Variants in CTNNA2 observed in about 807,000 individuals in gnomAD.
CTNNA2 encodes catenin alpha 2.
A neutral mutation model predicts 101.0 loss-of-function variants in CTNNA2; 42 were observed. That is an observed-to-expected ratio of 0.42 (90% CI 0.32 to 0.54). The LOEUF is 0.54. CTNNA2 is among the 20% of genes least tolerant of loss of function. The probability of loss-of-function intolerance (pLI) is 0.14; values close to 1 mark genes in which losing one functional copy is unlikely to be tolerated. For missense variants in CTNNA2, 871 were observed against 1,223.1 expected (o/e 0.71, Z 4.29); for synonymous variants, 450 against 456.4 (o/e 0.99, Z 0.18).
intron 18 of CTNNA2, among the ~76,000 whole-genome samples, chr2:80,633,952 T>C (rs1426223671): frequency 1.3e-5 from 2 of 152,184 alleles, no homozygotes; most frequent in Non-Finnish European, 2.9e-5. Context: ...ACTTTCTCTT[T>C]TATTTCTCCA....
At chr2:80,061,077 A>G (rs1490263453) in intron 7 of CTNNA2, among the ~76,000 whole-genome samples, 1 of 152,114 alleles carries the variant, frequency 6.6e-6, no homozygotes, top group Admixed American at 6.5e-5. Context: ...TACAGGCAGC[A>G]ATCAAAGCGT....
intron 2 of CTNNA2, among the ~76,000 whole-genome samples, chr2:79,721,113 A>T (rs1686458245): frequency 6.6e-6 from 1 of 151,878 alleles, no homozygotes; most frequent in Non-Finnish European, 1.5e-5. Flanking sequence ...CTCAACCATT[A>T]AGCTCAGTTC....
At chr2:80,524,710 G>T (rs1161222971) in intron 9 of CTNNA2, among the ~76,000 whole-genome samples, 1 of 152,066 alleles carries the variant, frequency 6.6e-6, no homozygotes, top group East Asian at 1.9e-4. Context: ...CTTAGGGTCT[G>T]CCTTGTTGTA....
chr2:80,445,048 A>C (rs1355313349), intron 9 of CTNNA2, among the ~76,000 whole-genome samples: 1 of 152,212 alleles, frequency 6.6e-6, no homozygotes, highest in Non-Finnish European at 1.5e-5. Context: ...ACAATTTGAG[A>C]AGATCACTTG....
intron 18 of CTNNA2, among the ~76,000 whole-genome samples, chr2:80,624,078 A>G (rs1573490222): frequency 6.6e-6 from 1 of 151,964 alleles, no homozygotes; most frequent in Non-Finnish European, 1.5e-5. Context: ...TTTCTTTGTC[A>G]TGCTCCAATA....
intron 1 of CTNNA2, among the ~76,000 whole-genome samples, chr2:79,194,766 C>T (rs1215516437): frequency 2.0e-5 from 3 of 152,162 alleles, no homozygotes; most frequent in Non-Finnish European, 4.4e-5. Flanking sequence ...TTTCCACCTT[C>T]AGAGAAATTT....
chr2:79,295,582 G>T (rs1443932299), intron 2 of CTNNA2, among the ~76,000 whole-genome samples: 1 of 145,180 alleles, frequency 6.9e-6, no homozygotes, highest in African/African-American at 2.6e-5. Context: ...TCCTAACTGT[G>T]CCTATTTTTC....
chr2:80,155,342 C>T (rs1703945289), intron 7 of CTNNA2, among the ~76,000 whole-genome samples: 1 of 152,150 alleles, frequency 6.6e-6, no homozygotes, highest in Admixed American at 6.5e-5. Flanking sequence ...GTCGCTTTTG[C>T]TTATAATTTG....
At chr2:80,189,601 G>A (rs1200716515) in intron 7 of CTNNA2, among the ~76,000 whole-genome samples, 3 of 152,178 alleles carry the variant, frequency 2.0e-5, no homozygotes, top group African/African-American at 7.2e-5. Flanking sequence ...AGGGAGCAAA[G>A]AGGAGCTCAG....
chr2:79,249,782 T>C (rs1674745931), intron 2 of CTNNA2, among the ~76,000 whole-genome samples: 1 of 152,206 alleles, frequency 6.6e-6, no homozygotes, highest in Non-Finnish European at 1.5e-5. Context: ...TTCCAACAGC[T>C]TTCCCACTTA....
chr2:80,640,591 A>C (rs773409275), intron 18 of CTNNA2, among the ~76,000 whole-genome samples: 1 of 152,318 alleles, frequency 6.6e-6, no homozygotes, highest in African/African-American at 2.4e-5. Flanking sequence ...ACTCTGGAAA[A>C]TGTACGCAGG....
intron 4 of CTNNA2, among the ~76,000 whole-genome samples, chr2:79,476,687 T>C (rs996091111): frequency 1.3e-5 from 2 of 152,192 alleles, no homozygotes; most frequent in Admixed American, 1.3e-4. Flanking sequence ...TCTTGGCCCA[T>C]TGTTACTTCT....
intron 7 of CTNNA2, among the ~76,000 whole-genome samples, chr2:80,097,382 G>A (rs1700222728): frequency 6.6e-6 from 1 of 152,202 alleles, no homozygotes; most frequent in Non-Finnish European, 1.5e-5. Context: ...TCAGCTGTTA[G>A]TCTGATGGGC....
chr2:79,770,157 C>T (rs1049968296), intron 3 of CTNNA2, among the ~76,000 whole-genome samples: 1 of 152,148 alleles, frequency 6.6e-6, no homozygotes, highest in Non-Finnish European at 1.5e-5. Flanking sequence ...TACTGCTAAA[C>T]ATCCTGCAAT....
At chr2:80,578,701 C>T (rs1261590682) in intron 13 of CTNNA2, among the ~76,000 whole-genome samples, 1 of 152,118 alleles carries the variant, frequency 6.6e-6, no homozygotes, top group African/African-American at 2.4e-5. Flanking sequence ...GGCTCTGAAA[C>T]CGTCAACTTG....
intron 4 of CTNNA2, among the ~76,000 whole-genome samples, chr2:79,866,891 T>A (rs1362704920): frequency 1.3e-5 from 2 of 152,216 alleles, no homozygotes; most frequent in African/African-American, 4.8e-5. Flanking sequence ...ATTTTATTAA[T>A]GAAGACGTGA....
At chr2:80,505,606 TA>T (rs1688214226) in intron 9 of CTNNA2, among the ~76,000 whole-genome samples, 1 of 152,146 alleles carries the variant, frequency 6.6e-6, no homozygotes, top group Non-Finnish European at 1.5e-5. Flanking sequence ...GAACATGAAT[TA>T]GGGGTGATAT....
At chr2:80,180,871 A>G (rs777574027) in intron 7 of CTNNA2, among the ~76,000 whole-genome samples, 3 of 152,162 alleles carry the variant, frequency 2.0e-5, no homozygotes, top group Non-Finnish European at 4.4e-5. Flanking sequence ...CAGCTAACCA[A>G]GCAAATAAAC....
intron 9 of CTNNA2, among the ~76,000 whole-genome samples, chr2:80,462,141 A>G (rs1684480826): frequency 2.0e-5 from 3 of 152,202 alleles, no homozygotes; most frequent in African/African-American, 2.4e-5. Flanking sequence ...ACTTTTAAAA[A>G]CAAGATCTCA....
Sources: gnomAD v4.1 joint callset for allele counts (sites outside exome capture counted in the v4.1 genomes callset) on GRCh38, gnomAD v4.1.1 for gene constraint, MANE v1.5 for transcripts, NCBI Gene and HGNC (gene_info 2026-07-23, HGNC 2026-07-21) for gene names.